GUSB: variants seen among roughly 807,000 people sequenced by gnomAD.
GUSB encodes beta-glucuronidase.
A neutral mutation model predicts 74.6 loss-of-function variants in GUSB; 51 were observed. The ratio of observed to expected loss-of-function variants is 0.68; its 90% confidence interval spans 0.55 to 0.86. The LOEUF (loss-of-function observed/expected upper bound fraction) is 0.86. Ranked by LOEUF, GUSB falls within the 40% of genes least tolerant of loss-of-function variation. GUSB has a pLI of 0.00. For synonymous variants in GUSB, 360 were observed against 348.3 expected (o/e 1.03, Z -0.37); for missense variants, 736 against 853.7 (o/e 0.86, Z 1.72).
At chr7:65,966,326 T>C (rs1790832504) in intron 10 of GUSB, among the ~76,000 whole-genome samples, 1 of 152,070 alleles carries the variant, frequency 6.6e-6, no homozygotes. Flanking sequence ...CGCAGTCCAC[T>C]GTGGGTGGCT....
At chr7:65,976,713 C>A (rs185256227) in intron 4 of GUSB, among the ~76,000 whole-genome samples, 2 of 151,838 alleles carry the variant, frequency 1.3e-5, no homozygotes, top group African/African-American at 4.8e-5. Context: ...GGGAGGATCG[C>A]TTGAGACCAG....
chr7:65,964,661 C>A (rs80351574), intron 10 of GUSB, among the ~76,000 whole-genome samples: 13 of 151,674 alleles, frequency 8.6e-5, no homozygotes, highest in South Asian at 2.1e-4. Flanking sequence ...AAAAAAAAAA[C>A]AACCTTAATG....
At chr7:65,971,655 C>G (rs1342019959) in intron 8 of GUSB, among the ~76,000 whole-genome samples, 1 of 151,554 alleles carries the variant, frequency 6.6e-6, no homozygotes, top group Non-Finnish European at 1.5e-5. Flanking sequence ...TTGCCTGAAC[C>G]CAGGAGGTAG....
At chr7:65,970,393 G>A (rs564267165) in intron 8 of GUSB, 27 bp from the exon 9 acceptor site, 2 of 1,503,370 alleles carry the variant, frequency 1.3e-6, no homozygotes, top group South Asian at 1.1e-5. Context: ...GAAGAAACAG[G>A]TTCCATCAGT....
intron 9 of GUSB, among the ~76,000 whole-genome samples, chr7:65,969,311 C>T (rs1433985972): frequency 1.3e-5 from 2 of 151,958 alleles, no homozygotes; most frequent in East Asian, 1.9e-4. Flanking sequence ...CCTGGGAGGA[C>T]GAGGTTGCAG....
At chr7:65,977,841 C>G (rs1040808294) in intron 4 of GUSB, among the ~76,000 whole-genome samples, 2 of 151,946 alleles carry the variant, frequency 1.3e-5, no homozygotes, top group Non-Finnish European at 2.9e-5. Flanking sequence ...CATGGAGTCT[C>G]GCTCTGTCCC....
intron 8 of GUSB, among the ~76,000 whole-genome samples, chr7:65,970,988 T>A (rs999015702): frequency 6.6e-6 from 1 of 151,696 alleles, no homozygotes; most frequent in Non-Finnish European, 1.5e-5. Context: ...CATATGATCC[T>A]CTAGTCCTAG....
At position 65,964,405 on chromosome 7, in the gene GUSB, G is replaced by A; in HGVS notation, c.1707C>T (p.Tyr569=). 1 of 1,610,014 alleles carries A rather than the reference G, an allele frequency of 6.2e-7. No homozygotes were observed. The highest frequency in any genetic ancestry group is 8.5e-7 in the Non-Finnish European group (1 of 1,178,010). ...TGCGTTTTTGATCCAGACCCAGATG[G>A]TACTGCTCTAGCAGACTTTTCTGGT... The part of the protein sequence containing the change: ...EEYQKSLLEQ[Y]HLGLDQKRRK... The change falls in exon 11 of 12, where the codon TAC becomes TAT. Residue 569 remains tyrosine (Y), a synonymous_variant. Coordinates refer to ENST00000304895, the MANE Select transcript of GUSB (RefSeq NM_000181.4).
chr7:65,979,623 G>A, intron 3 of GUSB, 82 bp from the exon 4 acceptor site: 1 of 1,594,762 alleles, frequency 6.3e-7, no homozygotes, highest in East Asian at 2.2e-5. Flanking sequence ...GGCCTCCCCA[G>A]ATCCAAGGCC....
At chr7:65,974,191 G>T in intron 8 of GUSB, 104 bp downstream of exon 8, 1 of 1,081,646 alleles carries the variant, frequency 9.2e-7, no homozygotes, top group Non-Finnish European at 1.4e-6. Context: ...CCTTCCCATT[G>T]GGCTGGACAC....
At chr7:65,961,907 C>T (rs1246423142) in intron 11 of GUSB, among the ~76,000 whole-genome samples, 1 of 151,584 alleles carries the variant, frequency 6.6e-6, no homozygotes, top group African/African-American at 2.4e-5. Flanking sequence ...GAGGCTGGGG[C>T]AGGAGAATCG....
chr7:65,965,721 G>C (rs1475275068), intron 10 of GUSB, among the ~76,000 whole-genome samples: 5 of 152,034 alleles, frequency 3.3e-5, no homozygotes, highest in Non-Finnish European at 5.9e-5. Context: ...TAGAGATGGG[G>C]TCTATGTTGC....
intron 10 of GUSB, 77 bp downstream of exon 10, chr7:65,967,654 C>T (rs546138392): frequency 1.6e-5 from 19 of 1,217,394 alleles, no homozygotes; most frequent in East Asian, 1.4e-4. Context: ...GTGCAGTGGG[C>T]GCAGGTCAGG....
intron 1 of GUSB, among the ~76,000 whole-genome samples, chr7:65,981,665 C>A (rs1477116043): frequency 2.6e-5 from 4 of 152,016 alleles, no homozygotes; most frequent in African/African-American, 9.7e-5. Flanking sequence ...CAGGTGCAAA[C>A]CCAGTCTCAA....
intron 5 of GUSB, 127 bp downstream of exon 5, chr7:65,975,888 G>A (rs764284308): frequency 8.2e-6 from 6 of 731,738 alleles, no homozygotes; most frequent in Admixed American, 2.7e-5. Context: ...TCCCACCAAG[G>A]GTGAGAAACA....
In GUSB at chr7:65,963,398, C is replaced by G. The variant is rs566484251; in HGVS notation, c.1789+925G>C. Among the ~76,000 whole-genome samples, 287 of 152,256 alleles carry G rather than the reference C, an allele frequency of 1.9e-3. 2 individuals are homozygous for G. Among genetic ancestry groups the G allele is most frequent in the Non-Finnish European group, 3.7e-3 (252 of 68,028 alleles). ...TGTAAGTAATGTATTATAATTCCCA[C>G]CATTACCACATGCTTCTCCAACCCA... On this transcript the variant is annotated intron_variant, in intron 11 of 11. Transcript: ENST00000304895.
intron 4 of GUSB, among the ~76,000 whole-genome samples, chr7:65,977,810 T>A (rs775918217): frequency 1.4e-3 from 219 of 151,836 alleles, no homozygotes; most frequent in Admixed American, 3.0e-3. Flanking sequence ...ATATATATAT[T>A]TTTTTATTTT....
At chr7:65,968,230 CAAAA>C (rs60554800) in intron 9 of GUSB, among the ~76,000 whole-genome samples, 1 of 123,384 alleles carries the variant, frequency 8.1e-6, no homozygotes, top group Non-Finnish European at 1.6e-5. Context: ...CCATTTCTAC[CAAAA>C]AAAAAAAAAA....
chr7:65,974,497 G>A (rs1305908378), intron 7 of GUSB, 29 bp downstream of exon 7: 1 of 1,614,080 alleles, frequency 6.2e-7, no homozygotes, highest in Non-Finnish European at 8.5e-7. Flanking sequence ...GGGCTGGGCA[G>A]GCGGAGCAGG....
Sources: allele counts gnomAD v4.1 joint callset (sites outside exome capture counted in the v4.1 genomes callset), GRCh38; gene constraint gnomAD v4.1.1; transcripts MANE v1.5; gene names NCBI Gene and HGNC (gene_info 2026-07-23, HGNC 2026-07-21).